Variants in RPL28 observed in about 807,000 individuals in gnomAD.
RPL28 encodes ribosomal protein L28, also known as large ribosomal subunit protein eL28.
RPL28 carries 4 observed loss-of-function variants against 12.5 expected under a neutral mutation model. The ratio of observed to expected loss-of-function variants is 0.32; its 90% CI spans 0.16 to 0.73. The LOEUF is 0.73. RPL28 is among the 30% of genes least tolerant of loss of function. The probability of loss-of-function intolerance (pLI) is 0.66; values close to 1 mark genes in which losing one functional copy is unlikely to be tolerated. For synonymous variants in RPL28, 91 were observed against 72.5 expected (o/e 1.26, Z -1.30); for missense variants, 214 against 197.7 (o/e 1.08, Z -0.49).
At chr19:55,403,040 T>A in exon 5 of RPL28, 1 of 1,469,038 alleles carries the variant, frequency 6.8e-7, no homozygotes, top group Admixed American at 2.0e-5. Flanking sequence ...GCCAGGTCAT[T>A]CTGTGTCATG....
chr19:55,392,094 T>A (rs2089995499), downstream of RPL28: 1 of 997,566 alleles, frequency 1.0e-6, no homozygotes, highest in Non-Finnish European at 1.2e-6. Context: ...AATCTTTCAT[T>A]ATGAAATATG....
intron 3 of RPL28, chr19:55,387,243 A>C: frequency 6.5e-7 from 1 of 1,533,168 alleles, no homozygotes. Context: ...GGAGGAGTCC[A>C]GCTTCACATG....
In RPL28 at chr19:55,386,448, G is replaced by A. The variant is rs770728196; in HGVS notation, c.81+10G>A. Reference sequence around the variant, plus strand: ...GCAGACCTACAGCACTGTAAGTGGGGCCCGGATGCGTGGCTCCTGCGGGAG... The same window carrying A: ...GCAGACCTACAGCACTGTAAGTGGGACCCGGATGCGTGGCTCCTGCGGGAG... On this transcript the variant is annotated intron_variant, in intron 2 of 4. Transcript: ENST00000344063. The A allele has an allele frequency of 2.5e-5, 41 of 1,613,388 alleles. No homozygotes were observed. The highest frequency in any genetic ancestry group is 1.6e-4 in the Middle Eastern group (1 of 6,080).
At position 55,390,846 on chromosome 19, in the gene RPL28, C is replaced by T. The variant is rs2089983562; in HGVS notation, c.*2514C>T. The T allele has an allele frequency of 5.1e-6, 5 of 985,382 alleles. No homozygotes were observed. Among genetic ancestry groups the T allele is most frequent in the Non-Finnish European group, 6.0e-6 (5 of 829,926 alleles). 61.0% of individuals were successfully genotyped at this position (985,382 alleles called of 1,614,324 possible). On this transcript the variant is annotated 3_prime_UTR_variant, in exon 5 of 5. Coordinates refer to ENST00000344063, the MANE Select transcript of RPL28 (RefSeq NM_000991.5). ...TGGAGTCCTCAGTGTGCTGAGCAAA[C>T]GTGGAGACACCATTTCCCTCCTCTA...
In RPL28 at chr19:55,390,429, T is replaced by A; in HGVS notation, c.*2097T>A. The A allele has an allele frequency of 1.0e-6, 1 of 977,436 alleles. No individual in the cohort carries two copies. The highest frequency in any genetic ancestry group is 1.7e-5 in the African/African-American group (1 of 57,154). 60.5% of individuals were successfully genotyped at this position (977,436 alleles called of 1,614,324 possible). A position where few individuals can be genotyped will look rare whatever the true frequency, so the allele number is the denominator to read the frequency against. On this transcript the variant is annotated 3_prime_UTR_variant, in exon 5 of 5. Transcript: ENST00000344063. Reference sequence around the variant, plus strand: ...CATTTTGCCCAGGCTGGTTTGGAACTCCTGACTTCAAATTACCCACCTGCC... The same window carrying A: ...CATTTTGCCCAGGCTGGTTTGGAACACCTGACTTCAAATTACCCACCTGCC...
At chr19:55,387,391 A>T in intron 3 of RPL28, 1 of 1,550,378 alleles carries the variant, frequency 6.5e-7, no homozygotes, top group Non-Finnish European at 8.7e-7. Context: ...CTCCTGTCTC[A>T]GGGACACGTA....
chr19:55,392,688 G>A (rs940099463), downstream of RPL28, among the ~76,000 whole-genome samples: 3 of 152,074 alleles, frequency 2.0e-5, no homozygotes, highest in Non-Finnish European at 4.4e-5. Flanking sequence ...CACCACGCCC[G>A]GCTAAATGTT....
At chr19:55,401,988 C>T (rs2090063070) in intron 4 of RPL28, among the ~76,000 whole-genome samples, 1 of 152,242 alleles carries the variant, frequency 6.6e-6, no homozygotes, top group Non-Finnish European at 1.5e-5. Context: ...GACACGATGC[C>T]ATAGGCCCAA....
intron 4 of RPL28, among the ~76,000 whole-genome samples, chr19:55,402,688 T>C (rs2090069264): frequency 1.3e-5 from 2 of 152,336 alleles, no homozygotes; most frequent in South Asian, 2.1e-4. Flanking sequence ...CTCTTCTTGC[T>C]GGCTGAGCCC....
chr19:55,396,944 A>G (rs977738345), downstream of RPL28, among the ~76,000 whole-genome samples: 2 of 151,320 alleles, frequency 1.3e-5, no homozygotes, highest in Non-Finnish European at 2.9e-5. Flanking sequence ...CAGTGGCACA[A>G]TCTTGGCTCA....
chr19:55,386,669 G>T lies in RPL28; in HGVS notation c.181G>T (p.Val61Leu). Residue 61 changes from valine to leucine, a missense_variant, in exon 3 of 5, where the codon GTG (valine) becomes TTG (leucine). Transcript: ENST00000344063. ...GCCGGCAGCCGACGGCAAAGGTGTC[G>T]TGGTGGTCATTAAGCGGAGATCCGG... is the stretch of plus-strand genomic sequence containing the variant. ...VEPAADGKGV[V>L]VVIKRRSGQR... The T allele has an allele frequency of 1.2e-6, 2 of 1,614,180 alleles. No homozygotes were observed. The highest frequency in any genetic ancestry group is 1.7e-6 in the Non-Finnish European group (2 of 1,180,020).
At chr19:55,393,622 C>T (rs1431522500), downstream of RPL28, among the ~76,000 whole-genome samples, 3 of 150,124 alleles carry the variant, frequency 2.0e-5, no homozygotes, top group African/African-American at 7.4e-5. Context: ...CCCTGCCAAT[C>T]ACCAATTTGT....
In RPL28 at chr19:55,389,060, C is replaced by T; in HGVS notation, c.*728C>T. On this transcript the variant is annotated 3_prime_UTR_variant, in exon 5 of 5. Transcript: ENST00000344063. ...TCTCAGTGGCCGCTCCTGGGCCACCCTGTCACCCAAGCTTTCCTGATTGCC... is the reference window on the plus strand; with the variant it reads ...TCTCAGTGGCCGCTCCTGGGCCACCTTGTCACCCAAGCTTTCCTGATTGCC... 2.0e-6 allele frequency: 2 copies of T among 985,516 alleles called. No individual in the cohort carries two copies. Among genetic ancestry groups the T allele is most frequent in the African/African-American group, 3.5e-5 (2 of 57,364 alleles). The allele number at this position is 985,516 out of a possible 1,614,324, so 61.0% of individuals were successfully genotyped here. A position where few individuals can be genotyped will look rare whatever the true frequency, so the allele number is the denominator to read the frequency against.
downstream of RPL28, among the ~76,000 whole-genome samples, chr19:55,393,175 T>A (rs911229772): frequency 5.3e-5 from 8 of 151,702 alleles, no homozygotes; most frequent in African/African-American, 1.9e-4. Context: ...TCCAGGCTGT[T>A]CTCTACACAG....
rs1235995029 is a variant in RPL28, at chr19:55,389,162, C to T, written c.*830C>T. The T allele has an allele frequency of 3.1e-6, 3 of 981,068 alleles. No homozygotes were observed. Among genetic ancestry groups the T allele is most frequent in the Admixed American group, 6.2e-5 (1 of 16,254 alleles). The allele number at this position is 981,068 out of a possible 1,614,324, so 60.8% of individuals were successfully genotyped here. ...TGTGAGGCCAGGAGTTTGAGACCAT[C>T]CTAGGCAACATAATGAGACACCGTC... On this transcript the variant is annotated 3_prime_UTR_variant, in exon 5 of 5. Transcript: ENST00000344063.
At chr19:55,401,962 C>G (rs1167693360) in intron 4 of RPL28, among the ~76,000 whole-genome samples, 1 of 152,210 alleles carries the variant, frequency 6.6e-6, no homozygotes, top group African/African-American at 2.4e-5. Context: ...TGCCTCACAG[C>G]AGATGTTCCC....
chr19:55,386,983 C>T, intron 3 of RPL28: 1 of 1,443,368 alleles, frequency 6.9e-7, no homozygotes, highest in South Asian at 1.5e-5. Flanking sequence ...AGATGAAATT[C>T]TCAAAGCAAG....
chr19:55,401,798 C>T (rs751529389), intron 4 of RPL28: 23 of 1,610,132 alleles, frequency 1.4e-5, no homozygotes, highest in Admixed American at 5.0e-5. Context: ...GTGGGTCGGG[C>T]AACCTACAGG....
intron 4 of RPL28, among the ~76,000 whole-genome samples, chr19:55,399,484 G>A (rs556315421): frequency 6.6e-6 from 1 of 152,250 alleles, no homozygotes; most frequent in African/African-American, 2.4e-5. Context: ...GTGTTTTAAC[G>A]GAGGTTTCAT....
Sources: allele counts gnomAD v4.1 joint callset (sites outside exome capture counted in the v4.1 genomes callset), GRCh38; gene constraint gnomAD v4.1.1; transcripts MANE v1.5; gene names NCBI Gene and HGNC (gene_info 2026-07-23, HGNC 2026-07-21).